MMS19: variants seen among roughly 807,000 people sequenced by gnomAD.
MMS19 encodes the protein MMS19 nucleotide excision repair protein homolog.
A neutral mutation model predicts 129.8 loss-of-function variants in MMS19; 77 were observed. The observed-to-expected ratio is 0.59, with a 90% CI of 0.49 to 0.72. The LOEUF is 0.72. Among genes scored for constraint, MMS19 ranks in the 30% least tolerant of loss-of-function variants. The pLI, the probability that MMS19 is intolerant of heterozygous loss-of-function variation, is 0.00. For missense variants in MMS19, 1,168 were observed against 1,266.3 expected (o/e 0.92, Z 1.18); for synonymous variants, 491 against 502.8 (o/e 0.98, Z 0.31).
Position 97,466,771 on chromosome 10 carries a change from T to G in MMS19, c.1423+5A>C, listed in dbSNP as rs757628708. On this transcript the variant is annotated splice_donor_5th_base_variant and intron_variant, in intron 15 of 30. Coordinates refer to ENST00000438925, the MANE Select transcript of MMS19 (RefSeq NM_022362.5). ...TTTTCCTCTTCTCTTTCCCTTAAGA[T>G]GTACCTGGCTGGGCACCCAAGACTG... 1.1e-5 allele frequency: 17 copies of G among 1,613,918 alleles called. No homozygotes were observed. Among genetic ancestry groups the G allele is most frequent in the African/African-American group, 1.3e-5 (1 of 74,936 alleles).
Position 97,477,856 on chromosome 10 carries a change from T to A in MMS19, c.422A>T (p.Gln141Leu). Residue 141 changes from glutamine to leucine, a missense_variant and splice_region_variant, in exon 5 of 31, where the codon CAG becomes CTG. Transcript: ENST00000438925. The stretch of plus-strand genomic sequence containing the variant: ...ACCAACATGACTGTTATCCCTCACC[T>A]GTACATGCACTTCCTGGAAGATGGC... ...LKAIFQEVHV[Q>L]SLPQVDRHTV... The A allele has an allele frequency of 6.2e-7, 1 of 1,603,316 alleles. No homozygotes were observed. The highest frequency in any genetic ancestry group is 8.5e-7 in the Non-Finnish European group (1 of 1,175,196).
At chr10:97,470,107 T>G (rs1270199607) in intron 10 of MMS19, 22 bp downstream of exon 10, 2 of 1,563,192 alleles carry the variant, frequency 1.3e-6, no homozygotes, top group Non-Finnish European at 1.8e-6. Flanking sequence ...AGCTGGGTCC[T>G]GCAAGGAGAA....
chr10:97,491,389 G>A (rs988388015), intron 1 of MMS19, among the ~76,000 whole-genome samples: 8 of 152,204 alleles, frequency 5.3e-5, no homozygotes, highest in South Asian at 2.1e-4. Flanking sequence ...GGTAAAGGCC[G>A]GGCGTGGTGG....
At chr10:97,461,136 G>C in intron 23 of MMS19, 129 bp from the exon 24 acceptor site, 1 of 779,516 alleles carries the variant, frequency 1.3e-6, no homozygotes, top group South Asian at 1.9e-5. Flanking sequence ...TTTTGCCTGT[G>C]GACAAAATGA....
At chr10:97,464,691 ATT>A (rs756050923) in intron 18 of MMS19, among the ~76,000 whole-genome samples, 49 of 138,576 alleles carry the variant, frequency 3.5e-4, no homozygotes, top group East Asian at 4.2e-4. Flanking sequence ...TACCTAGGTA[ATT>A]TTTTTTTTTT....
At chr10:97,460,397 C>A in intron 25 of MMS19, 165 bp from the exon 26 acceptor site, 1 of 656,168 alleles carries the variant, frequency 1.5e-6, no homozygotes, top group Non-Finnish European at 2.6e-6. Context: ...ATGGCCAAAC[C>A]CAGTTCTTAC....
At chr10:97,466,606 G>A in intron 15 of MMS19, 21 bp from the exon 16 acceptor site, 9 of 1,600,618 alleles carry the variant, frequency 5.6e-6, no homozygotes, top group Non-Finnish European at 7.7e-6. Flanking sequence ...AAGGGAACAT[G>A]AATCTCATCT....
intron 19 of MMS19, chr10:97,463,105 TA>T (rs2032480789): frequency 5.8e-6 from 1 of 171,112 alleles, no homozygotes; most frequent in Non-Finnish European, 1.3e-5. Context: ...GAGTACTTCC[TA>T]TGTGGCAGGT....
In MMS19 at chr10:97,468,926, T is replaced by C. The variant is rs1000082728; in HGVS notation, c.1063+40A>G. On this transcript the variant is annotated intron_variant, in intron 12 of 30. Coordinates refer to ENST00000438925, the MANE Select transcript of MMS19 (RefSeq NM_022362.5). ...ACCCAGGCAAGGAATGTCGTTTCTA[T>C]TGTGCTCACTCCCCTTCCTGGCTGC... 3.2e-6 allele frequency: 5 copies of C among 1,563,056 alleles called. No homozygotes were observed. The African/African-American group carries it at 4.1e-5, about 13-fold the overall frequency.
At chr10:97,465,008 AC>A (rs1044084298) in intron 18 of MMS19, among the ~76,000 whole-genome samples, 6 of 144,218 alleles carry the variant, frequency 4.2e-5, no homozygotes, top group African/African-American at 1.5e-4. Context: ...CCAGCCCGGC[AC>A]TTTTTTTTTT....
chr10:97,472,280 C>T (rs1394579840), intron 8 of MMS19, among the ~76,000 whole-genome samples: 1 of 152,240 alleles, frequency 6.6e-6, no homozygotes, highest in Non-Finnish European at 1.5e-5. Flanking sequence ...GCTCTTGTTA[C>T]ACAAGCTGGA....
intron 1 of MMS19, among the ~76,000 whole-genome samples, chr10:97,496,755 G>C (rs548983757): frequency 6.6e-6 from 1 of 152,184 alleles, no homozygotes; most frequent in East Asian, 1.9e-4. Context: ...ATCAGTGAAC[G>C]TACACTTAAA....
At chr10:97,476,308 T>A (rs902560770) in intron 8 of MMS19, among the ~76,000 whole-genome samples, 1 of 152,250 alleles carries the variant, frequency 6.6e-6, no homozygotes, top group Admixed American at 6.5e-5. Flanking sequence ...AACTGTGAAG[T>A]CAGTTCCTGC....
chr10:97,475,793 C>A (rs1280775833), intron 8 of MMS19, among the ~76,000 whole-genome samples: 3 of 151,960 alleles, frequency 2.0e-5, no homozygotes, highest in Non-Finnish European at 2.9e-5. Context: ...ACCAAAAAAA[C>A]CAAAGTAAAA....
At chr10:97,489,136 G>A (rs950894542) in intron 1 of MMS19, among the ~76,000 whole-genome samples, 5 of 151,926 alleles carry the variant, frequency 3.3e-5, no homozygotes, top group Admixed American at 1.3e-4. Flanking sequence ...CCAACACACC[G>A]GGCCTGTAGC....
At chr10:97,486,153 A>C (rs1287500596) in intron 1 of MMS19, among the ~76,000 whole-genome samples, 1 of 152,180 alleles carries the variant, frequency 6.6e-6, no homozygotes, top group Non-Finnish European at 1.5e-5. Context: ...AGCTATAAGA[A>C]AGAAAGAAAT....
chr10:97,473,923 G>C (rs2035258923), intron 8 of MMS19, among the ~76,000 whole-genome samples: 1 of 151,722 alleles, frequency 6.6e-6, no homozygotes, highest in Admixed American at 6.6e-5. Context: ...CAGGTGGATG[G>C]CTTGAGCCCA....
chr10:97,466,225 T>A (rs1223809696), intron 16 of MMS19, 66 bp from the exon 17 acceptor site: 1 of 1,314,762 alleles, frequency 7.6e-7, no homozygotes, highest in African/African-American at 1.5e-5. Context: ...CTACGTCTGA[T>A]ATTAGGCAGA....
At chr10:97,483,980 T>C (rs2037350424) in intron 2 of MMS19, 123 bp downstream of exon 2, 4 of 646,492 alleles carry the variant, frequency 6.2e-6, no homozygotes, top group African/African-American at 1.8e-5. Flanking sequence ...GGTACTAATA[T>C]GGAAGGGGGC....
Sources: gnomAD v4.1 joint callset for allele counts (sites outside exome capture counted in the v4.1 genomes callset) on GRCh38, gnomAD v4.1.1 for gene constraint, MANE v1.5 for transcripts, NCBI Gene and HGNC (gene_info 2026-07-23, HGNC 2026-07-21) for gene names.